The following GRIA1 variants were observed in gnomAD, a reference collection of about 807,000 sequenced individuals.
GRIA1 encodes the protein glutamate receptor 1.
A neutral mutation model predicts 99.2 loss-of-function variants in GRIA1; 31 were observed. That is an observed-to-expected ratio of 0.31 (90% confidence interval 0.23 to 0.42). GRIA1 has a LOEUF of 0.42. Ranked by LOEUF, GRIA1 falls within the 10% of genes least tolerant of loss-of-function variation. The pLI is 1.00. For missense variants in GRIA1, 782 were observed against 1,157.5 expected (o/e 0.68, Z 4.71); for synonymous variants, 438 against 432.4 (o/e 1.01, Z -0.16).
intron 2 of GRIA1, among the ~76,000 whole-genome samples, chr5:153,639,444 A>G (rs773619357): frequency 6.6e-6 from 1 of 152,148 alleles, no homozygotes; most frequent in Non-Finnish European, 1.5e-5. Context: ...AGCCTCATTC[A>G]GAGCCTCTGT....
At chr5:153,588,897 T>C (rs1763726154) in intron 2 of GRIA1, among the ~76,000 whole-genome samples, 1 of 152,194 alleles carries the variant, frequency 6.6e-6, no homozygotes, top group Non-Finnish European at 1.5e-5. Context: ...TTTCAGGTAC[T>C]ATATATTGCA....
intron 2 of GRIA1, among the ~76,000 whole-genome samples, chr5:153,510,231 T>C (rs1561597147): frequency 2.0e-5 from 3 of 152,200 alleles, no homozygotes; most frequent in Non-Finnish European, 4.4e-5. Flanking sequence ...GAGTGAAATA[T>C]AGGGCAATGT....
intron 2 of GRIA1, among the ~76,000 whole-genome samples, chr5:153,504,642 C>A (rs1051123971): frequency 6.6e-6 from 1 of 152,118 alleles, no homozygotes; most frequent in South Asian, 2.1e-4. Context: ...GTCTGAAATT[C>A]AGGCTTCTGA....
chr5:153,600,132 T>C lies in GRIA1; in HGVS notation c.221-46796T>C, dbSNP rs917321184. ...CTGGACCCGGCGCGGTGGCTCACGC[T>C]TGTAATCCCAGCACTTTCGGAGGCC... On this transcript the variant is annotated intron_variant, in intron 2 of 15. Transcript: ENST00000285900. Among the ~76,000 whole-genome samples the C allele has an allele frequency of 6.4e-4, 98 of 151,960 alleles. 1 individual carries two copies. Among genetic ancestry groups the C allele is most frequent in the Middle Eastern group, 3.4e-3 (1 of 294 alleles).
At position 153,686,325 on chromosome 5, in the gene GRIA1, G is replaced by A. The variant is rs545946719; in HGVS notation, c.1130G>A (p.Arg377Gln). 14 of 1,610,692 alleles carry A rather than the reference G, an allele frequency of 8.7e-6. No individual in the cohort carries two copies. The highest frequency in any genetic ancestry group is 3.3e-4 in the Middle Eastern group (2 of 6,044). ...HVIEMKHDGI[R>Q]KIGYWNEDDK... ...ATTGAAATGAAACATGACGGCATCC[G>A]AAAGGTAAGGTCCCCCTTTACTTCT... The change falls in exon 8 of 16, where the codon CGA becomes CAA. Residue 377 changes from arginine to glutamine, a missense_variant. This residue lies in a region of GRIA1 where 461 missense variants were observed against 521.7 expected (regional missense o/e 0.88). Transcript: ENST00000285900.
chr5:153,650,230 G>A (rs916649307), intron 3 of GRIA1, 100 bp from the exon 4 acceptor site: 2 of 957,454 alleles, frequency 2.1e-6, no homozygotes, highest in Non-Finnish European at 3.1e-6. Flanking sequence ...CAGAAGAGTG[G>A]GTTTGGGGGT....
chr5:153,549,499 A>C (rs1319666240), intron 2 of GRIA1, among the ~76,000 whole-genome samples: 1 of 152,132 alleles, frequency 6.6e-6, no homozygotes, highest in Non-Finnish European at 1.5e-5. Flanking sequence ...GTCTGGAAGA[A>C]AGGTCCTCTA....
At chr5:153,727,876 A>T (rs547592254) in intron 11 of GRIA1, among the ~76,000 whole-genome samples, 161 of 151,198 alleles carry the variant, frequency 1.1e-3, no homozygotes, top group Non-Finnish European at 1.8e-3. Context: ...AGAATTGGAA[A>T]AACTACTTTA....
intron 2 of GRIA1, among the ~76,000 whole-genome samples, chr5:153,608,400 T>C (rs1391686380): frequency 6.6e-6 from 1 of 152,234 alleles, no homozygotes; most frequent in Non-Finnish European, 1.5e-5. Context: ...TTAAGGTGTT[T>C]CACTGTAACC....
intron 11 of GRIA1, among the ~76,000 whole-genome samples, chr5:153,722,264 G>A (rs1472632442): frequency 6.6e-6 from 1 of 152,082 alleles, no homozygotes; most frequent in East Asian, 1.9e-4. Flanking sequence ...TCATTCTGTG[G>A]CTTATCTTTT....
chr5:153,708,709 C>T, intron 11 of GRIA1, among the ~76,000 whole-genome samples: 1 of 152,166 alleles, frequency 6.6e-6, no homozygotes, highest in East Asian at 1.9e-4. Context: ...ACTGTTCACA[C>T]TGATTTGAAA....
At chr5:153,672,230 C>T (rs1756240834) in intron 5 of GRIA1, among the ~76,000 whole-genome samples, 2 of 152,182 alleles carry the variant, frequency 1.3e-5, no homozygotes, top group Admixed American at 1.3e-4. Flanking sequence ...TCTACTGACT[C>T]TTCATCTGTC....
chr5:153,498,600 G>A (rs1754666421), intron 2 of GRIA1, among the ~76,000 whole-genome samples: 1 of 152,158 alleles, frequency 6.6e-6, no homozygotes, highest in African/African-American at 2.4e-5. Flanking sequence ...TTAGGCACTG[G>A]CAACAGAGAG....
intron 14 of GRIA1, among the ~76,000 whole-genome samples, chr5:153,796,181 G>C (rs1765634991): frequency 6.6e-6 from 1 of 151,964 alleles, no homozygotes; most frequent in Non-Finnish European, 1.5e-5. Context: ...TGAAGGAAGA[G>C]AGTCTCATGA....
chr5:153,540,345 C>T (rs1235366037), intron 2 of GRIA1, among the ~76,000 whole-genome samples: 2 of 152,206 alleles, frequency 1.3e-5, no homozygotes, highest in Non-Finnish European at 2.9e-5. Flanking sequence ...CTTGGATTAA[C>T]TCTTCATATC....
chr5:153,632,369 C>T (rs1229610317), intron 2 of GRIA1, among the ~76,000 whole-genome samples: 1 of 152,154 alleles, frequency 6.6e-6, no homozygotes, highest in Non-Finnish European at 1.5e-5. Flanking sequence ...CATGACCAAA[C>T]TTACAGCTAA....
intron 11 of GRIA1, among the ~76,000 whole-genome samples, chr5:153,721,209 GT>G (rs1760044830): frequency 6.6e-6 from 1 of 152,170 alleles, no homozygotes; most frequent in South Asian, 2.1e-4. Flanking sequence ...GGTGATGCTT[GT>G]TTTTATTTAA....
chr5:153,543,807 T>C lies in GRIA1; in HGVS notation c.220+49742T>C, dbSNP rs548080111. 5.9e-5 allele frequency among the ~76,000 whole-genome samples: 9 copies of C among 152,350 alleles called. No individual in the cohort carries two copies. The South Asian group carries it at 1.9e-3, about 32-fold the overall frequency. ...CTCATTCATTCATTCAATAGATATT[T>C]GGTTTTCTGTTTTAGGCACTAGAAT... On this transcript the variant is annotated intron_variant, in intron 2 of 15. Coordinates refer to ENST00000285900, the MANE Select transcript of GRIA1 (RefSeq NM_000827.4).
rs758766510 is a variant in GRIA1, at chr5:153,516,910, T to C, written c.220+22845T>C. ...GAGCTGAAGAAAAATATTCTACTGA[T>C]GGCAACATTCATGGCCGTATTATGA... On this transcript the variant is annotated intron_variant, in intron 2 of 15. Transcript: ENST00000285900. 3.9e-5 allele frequency among the ~76,000 whole-genome samples: 6 copies of C among 152,134 alleles called. No homozygotes were observed. In the East Asian group the frequency reaches 7.7e-4, roughly 20 times the overall value.
Sources: gnomAD v4.1 joint callset for allele counts (sites outside exome capture counted in the v4.1 genomes callset) on GRCh38, gnomAD v4.1.1 for gene constraint, gnomAD v4.1.1 regional missense constraint, MANE v1.5 for transcripts, NCBI Gene and HGNC (gene_info 2026-07-23, HGNC 2026-07-21) for gene names.